The following RNF146 variants were observed in gnomAD, a reference collection of about 807,000 sequenced individuals.
RNF146 encodes the protein ring finger protein 146.
RNF146 carries 11 observed loss-of-function variants against 29.7 expected under a neutral mutation model. That is an observed-to-expected ratio of 0.37 (90% CI 0.23 to 0.61). The LOEUF (loss-of-function observed/expected upper bound fraction) is 0.61, where lower values mean the gene tolerates loss of function less well. RNF146 is among the 20% of genes least tolerant of loss of function. The pLI, the probability that RNF146 is intolerant of heterozygous loss-of-function variation, is 0.66. For synonymous variants in RNF146, 150 were observed against 159.7 expected (o/e 0.94, Z 0.46); for missense variants, 342 against 438.9 (o/e 0.78, Z 1.97).
At chr6:127,274,429 TA>T (rs746069052) in intron 1 of RNF146, among the ~76,000 whole-genome samples, 3 of 148,798 alleles carry the variant, frequency 2.0e-5, no homozygotes, top group Admixed American at 6.7e-5. Flanking sequence ...CTAAGTAAAG[TA>T]AGTGAATAGA....
Position 127,286,567 on chromosome 6 carries a change from A to G in RNF146, c.3-49A>G. 1.4e-6 allele frequency: 2 copies of G among 1,480,822 alleles called. No individual in the cohort carries two copies. The highest frequency in any genetic ancestry group is 1.8e-6 in the Non-Finnish European group (2 of 1,091,386). The allele number at this position is 1,480,822 out of a possible 1,614,324, so 91.7% of individuals were successfully genotyped here. On this transcript the variant is annotated intron_variant, in intron 2 of 2. Coordinates refer to ENST00000368314, the MANE Select transcript of RNF146 (RefSeq NM_001242850.2). This position sits in a 1 kb window ranked among gnomAD's most constrained non-coding sequence, Gnocchi z 4.6. ...GTTTTCATAATTGTTAAATTAAGAT[A>G]TTGCAAGAATTAAAACATGACTTTA...
Position 127,286,090 on chromosome 6 carries a change from T to C in RNF146, c.3-526T>C, listed in dbSNP as rs1174084722. The C allele has an allele frequency of 3.3e-6, 4 of 1,229,590 alleles. No individual in the cohort carries two copies. Among genetic ancestry groups the C allele is most frequent in the Non-Finnish European group, 4.1e-6 (4 of 986,518 alleles). The allele number at this position is 1,229,590 out of a possible 1,614,324, so 76.2% of individuals were successfully genotyped here. ...CATGTTATTTTCTCCTTTGGTCTTA[T>C]ATGATTGTTACCTTTATGAAGCTTT... On this transcript the variant is annotated intron_variant, in intron 2 of 2. Transcript: ENST00000368314. The surrounding 1 kb of genome is among the most constrained non-coding windows in gnomAD (Gnocchi z 4.6).
intron 1 of RNF146, among the ~76,000 whole-genome samples, chr6:127,270,185 T>G (rs895363312): frequency 5.3e-5 from 8 of 152,184 alleles, no homozygotes; most frequent in African/African-American, 1.9e-4. Flanking sequence ...TTAGTTGTAT[T>G]TATTTTTCAC....
At chr6:127,285,154 T>G in intron 2 of RNF146, 1 of 963,422 alleles carries the variant, frequency 1.0e-6, no homozygotes, top group Non-Finnish European at 1.2e-6. Flanking sequence ...GTTGGTTCCT[T>G]TACTAGATAT....
chr6:127,276,929 A>G (rs548819687), intron 1 of RNF146, among the ~76,000 whole-genome samples: 18 of 152,156 alleles, frequency 1.2e-4, no homozygotes, highest in African/African-American at 3.6e-4. Context: ...CTGGCCTAGA[A>G]TTTCTAAGGA....
In RNF146 at chr6:127,271,680, A is replaced by G. The variant is rs1280992034; in HGVS notation, c.-109+4755A>G. On this transcript the variant is annotated intron_variant, in intron 1 of 2. Coordinates refer to ENST00000368314, the MANE Select transcript of RNF146 (RefSeq NM_001242850.2). ...GTGTAAAATACACACTGGATTTCAA[A>G]GAAGTATGCATACGCTTACCCAAGA... 2.0e-5 allele frequency among the ~76,000 whole-genome samples: 3 copies of G among 152,246 alleles called. No homozygotes were observed. In the East Asian group the frequency reaches 5.8e-4, roughly 29 times the overall value.
rs777444811 is a variant in RNF146, at chr6:127,287,276, C to G, written c.663C>G (p.Pro221=). Residue 221 remains proline, a synonymous_variant, in exon 3 of 3, where the codon CCC becomes CCG. Coordinates refer to ENST00000368314, the MANE Select transcript of RNF146 (RefSeq NM_001242850.2). ...AGCCCCTAGTGTCTTCTGTAAGGCC[C>G]CTAACATCAGTAGATGGTCAGTTAA... ...SVQPLVSSVR[P]LTSVDGQLTS... The G allele has an allele frequency of 6.2e-7, 1 of 1,613,390 alleles. No individual in the cohort carries two copies. Among genetic ancestry groups the G allele is most frequent in the South Asian group, 1.1e-5 (1 of 91,058 alleles).
At chr6:127,269,569 T>A (rs1777162741) in intron 1 of RNF146, among the ~76,000 whole-genome samples, 1 of 152,150 alleles carries the variant, frequency 6.6e-6, no homozygotes, top group South Asian at 2.1e-4. Context: ...TAAAGGGAAA[T>A]AATTCTTTAA....
chr6:127,272,622 T>C (rs970511802), intron 1 of RNF146, among the ~76,000 whole-genome samples: 1 of 152,188 alleles, frequency 6.6e-6, no homozygotes, highest in Non-Finnish European at 1.5e-5. Context: ...TGGCTAAATC[T>C]CAGCCAAGAA....
intron 1 of RNF146, among the ~76,000 whole-genome samples, chr6:127,269,797 T>C (rs1412633820): frequency 2.0e-5 from 3 of 152,196 alleles, no homozygotes; most frequent in African/African-American, 7.2e-5. Flanking sequence ...TATGTATATA[T>C]AATTTTTTTT....
intron 1 of RNF146, among the ~76,000 whole-genome samples, chr6:127,273,006 A>C (rs1434973608): frequency 6.6e-6 from 1 of 152,210 alleles, no homozygotes; most frequent in Non-Finnish European, 1.5e-5. Flanking sequence ...AATGATGGGT[A>C]ACTGCAGCTG....
rs780655462 is a variant in RNF146 at position 127,286,676 on chromosome 6, G to A, written c.63G>A (p.Ala21=). 10 of 1,613,056 alleles carry A rather than the reference G, an allele frequency of 6.2e-6. No homozygotes were observed. Among genetic ancestry groups the A allele is most frequent in the East Asian group, 4.5e-5 (2 of 44,836 alleles). The part of the protein sequence containing the change: ...SINMLPTNRK[A]NESCSNTAPS... ...ACATGCTTCCTACAAACAGGAAAGC[G>A]AACGAGTCCTGTTCTAATACTGCAC... Residue 21 remains alanine (A), a synonymous_variant, in exon 3 of 3, where the codon GCG becomes GCA. Coordinates refer to ENST00000368314, the MANE Select transcript of RNF146 (RefSeq NM_001242850.2). The surrounding 1 kb of genome is among the most constrained non-coding windows in gnomAD (Gnocchi z 4.6).
In RNF146 at chr6:127,285,241, G is replaced by A. The variant is rs1056439596; in HGVS notation, c.3-1375G>A. 4 of 984,766 alleles carry A rather than the reference G, an allele frequency of 4.1e-6. No individual in the cohort carries two copies. The African/African-American group carries it at 7.0e-5, about 17-fold the overall frequency. The allele number at this position is 984,766 out of a possible 1,614,324, so 61.0% of individuals were successfully genotyped here. On this transcript the variant is annotated intron_variant, in intron 2 of 2. Coordinates refer to ENST00000368314, the MANE Select transcript of RNF146 (RefSeq NM_001242850.2). ...CATCTTTTTGAGCCTTGTCTATTGA[G>A]GAACCAAGAACACAGAAAAGGCAGT...
At chr6:127,280,891 T>G (rs547369179) in intron 2 of RNF146, 1 of 151,916 alleles carries the variant, frequency 6.6e-6, no homozygotes, top group East Asian at 1.9e-4. Flanking sequence ...CACACTACCT[T>G]GGATTTGTCC....
intron 2 of RNF146, chr6:127,285,237 T>C: frequency 1.0e-6 from 1 of 985,120 alleles, no homozygotes; most frequent in Non-Finnish European, 1.2e-6. Context: ...GCCTTGTCTA[T>C]TGAGGAACCA....
At chr6:127,282,558 A>G (rs749540687) in intron 2 of RNF146, among the ~76,000 whole-genome samples, 2 of 151,784 alleles carry the variant, frequency 1.3e-5, no homozygotes, top group Non-Finnish European at 2.9e-5. Context: ...GTCACCATCC[A>G]TCAGTAATCA....
chr6:127,268,913 C>A (rs562475338), intron 1 of RNF146, among the ~76,000 whole-genome samples: 5 of 152,054 alleles, frequency 3.3e-5, no homozygotes, highest in African/African-American at 7.2e-5. Context: ...GATATTAAAT[C>A]TTTTGTTTTC....
At chr6:127,285,867 T>C (rs1779447413) in intron 2 of RNF146, among the ~76,000 whole-genome samples, 1 of 152,028 alleles carries the variant, frequency 6.6e-6, no homozygotes, top group African/African-American at 2.4e-5. Flanking sequence ...TTTCCTTATT[T>C]AACAGAGTAG....
At chr6:127,269,296 A>G (rs1197896567) in intron 1 of RNF146, among the ~76,000 whole-genome samples, 6 of 152,244 alleles carry the variant, frequency 3.9e-5, no homozygotes, top group Non-Finnish European at 7.3e-5. Flanking sequence ...GTAGGATGAG[A>G]TAACAAAAGA....
Sources: gnomAD v4.1 joint callset for allele counts (sites outside exome capture counted in the v4.1 genomes callset) on GRCh38, gnomAD v4.1.1 for gene constraint, Gnocchi (gnomAD v3.1) non-coding constraint, MANE v1.5 for transcripts, NCBI Gene and HGNC (gene_info 2026-07-23, HGNC 2026-07-21) for gene names.